Variants in RBPMS observed in about 807,000 individuals in gnomAD.
The protein encoded by RBPMS is RNA-binding protein with multiple splicing.
In RBPMS, 7 loss-of-function variants were observed where a neutral mutation model predicts 26.8. The observed-to-expected ratio is 0.26, with a 90% CI of 0.15 to 0.49. RBPMS has a LOEUF of 0.49. Ranked by LOEUF, RBPMS falls within the 20% of genes least tolerant of loss-of-function variation. RBPMS has a pLI of 0.98. For missense variants in RBPMS, 186 were observed against 250.0 expected (o/e 0.74, Z 1.73); for synonymous variants, 96 against 93.3 (o/e 1.03, Z -0.17).
intron 1 of RBPMS, chr8:30,445,263 A>G (rs1245506567): frequency 6.6e-6 from 1 of 152,196 alleles, no homozygotes; most frequent in African/African-American, 2.4e-5. Context: ...ACAATGTGGG[A>G]ATGCATGAAA....
chr8:30,552,046 G>C (rs1194251332), intron 6 of RBPMS, among the ~76,000 whole-genome samples: 3 of 152,140 alleles, frequency 2.0e-5, no homozygotes, highest in African/African-American at 7.2e-5. Flanking sequence ...GAAGCACTTA[G>C]GACACAGGGA....
intron 1 of RBPMS, among the ~76,000 whole-genome samples, chr8:30,428,815 T>G (rs1184554845): frequency 6.6e-6 from 1 of 152,078 alleles, no homozygotes; most frequent in African/African-American, 2.4e-5. Context: ...TCATGTACAC[T>G]ATTTTAATGG....
chr8:30,465,948 A>C (rs1460272904), intron 1 of RBPMS, among the ~76,000 whole-genome samples: 1 of 152,214 alleles, frequency 6.6e-6, no homozygotes, highest in Non-Finnish European at 1.5e-5. Context: ...ATGTCTGAGC[A>C]GTGCTCAGGT....
chr8:30,411,822 T>A (rs1585375394), intron 1 of RBPMS, among the ~76,000 whole-genome samples: 1 of 151,556 alleles, frequency 6.6e-6, no homozygotes, highest in East Asian at 1.9e-4. Context: ...GTCTCTACTT[T>A]AAAAAAATGC....
At chr8:30,551,823 C>T (rs533889296) in intron 6 of RBPMS, among the ~76,000 whole-genome samples, 1 of 152,160 alleles carries the variant, frequency 6.6e-6, no homozygotes, top group Non-Finnish European at 1.5e-5. Flanking sequence ...ATTTGGGATC[C>T]TAGGCAAGTT....
At chr8:30,568,258 C>T (rs973084193) in intron 8 of RBPMS, among the ~76,000 whole-genome samples, 2 of 152,064 alleles carry the variant, frequency 1.3e-5, no homozygotes, top group Non-Finnish European at 2.9e-5. Flanking sequence ...GACTTGGTAA[C>T]CAGGAAGCCT....
At chr8:30,430,270 G>T (rs1360625759) in intron 1 of RBPMS, among the ~76,000 whole-genome samples, 1 of 152,108 alleles carries the variant, frequency 6.6e-6, no homozygotes, top group Non-Finnish European at 1.5e-5. Context: ...AAAATCTGAA[G>T]TCTTATATGT....
Position 30,473,557 on chromosome 8 carries a change from G to T in RBPMS, c.67-1222G>T, listed in dbSNP as rs138644899. Among the ~76,000 whole-genome samples the T allele has an allele frequency of 4.9e-3, 743 of 152,242 alleles. 3 individuals are homozygous for T. The highest frequency in any genetic ancestry group is 8.5e-3 in the Non-Finnish European group (577 of 67,998). ...ATGGCGATTCCTCAAAGATCTAGAAGCAGAACTACCATTTGACCCAGCAAT... is the reference window on the plus strand; with the variant it reads ...ATGGCGATTCCTCAAAGATCTAGAATCAGAACTACCATTTGACCCAGCAAT... On this transcript the variant is annotated intron_variant, in intron 1 of 8. Coordinates refer to ENST00000397323, the MANE Select transcript of RBPMS (RefSeq NM_001008710.3).
intron 1 of RBPMS, among the ~76,000 whole-genome samples, chr8:30,410,891 A>G (rs1809310480): frequency 6.6e-6 from 1 of 151,976 alleles, no homozygotes; most frequent in Non-Finnish European, 1.5e-5. Flanking sequence ...GCACACAGCC[A>G]TGCCAGGCTA....
intron 3 of RBPMS, among the ~76,000 whole-genome samples, chr8:30,478,705 G>A (rs1290140933): frequency 6.6e-6 from 1 of 152,034 alleles, no homozygotes; most frequent in Non-Finnish European, 1.5e-5. Context: ...TCACCATGTT[G>A]GCCAGGATGG....
intron 5 of RBPMS, among the ~76,000 whole-genome samples, chr8:30,538,515 C>G (rs1280961460): frequency 1.3e-5 from 2 of 152,186 alleles, no homozygotes; most frequent in Admixed American, 6.5e-5. Context: ...TTCGGCCTCC[C>G]AAAGTGCTGG....
chr8:30,506,287 A>G (rs962146933), intron 5 of RBPMS, among the ~76,000 whole-genome samples: 2 of 151,098 alleles, frequency 1.3e-5, no homozygotes, highest in Admixed American at 6.6e-5. Context: ...AGTTTCCATG[A>G]CAGGGTAAAA....
In RBPMS at chr8:30,477,657, ATG is replaced by A. The variant is rs563039893; in HGVS notation, c.145-136_145-135del. ...TGTGTGTGTGTGCACATGCACATGC[ATG>A]TGTGTAATTTGCTTTCCCAGATAAC... On this transcript the variant is annotated intron_variant, in intron 2 of 8. Coordinates refer to ENST00000397323, the MANE Select transcript of RBPMS (RefSeq NM_001008710.3). The A allele has an allele frequency of 2.0e-5, 12 of 602,612 alleles. No individual in the cohort carries two copies. The South Asian group carries it at 2.5e-4, about 13-fold the overall frequency. 37.3% of individuals were successfully genotyped at this position (602,612 alleles called of 1,614,324 possible).
chr8:30,450,383 T>G (rs893324804), intron 1 of RBPMS, among the ~76,000 whole-genome samples: 3 of 152,204 alleles, frequency 2.0e-5, no homozygotes, highest in Non-Finnish European at 4.4e-5. Context: ...TTAGTTTCAG[T>G]CTGGTGGAAA....
intron 1 of RBPMS, among the ~76,000 whole-genome samples, chr8:30,464,783 G>T (rs1289026511): frequency 6.6e-6 from 1 of 152,094 alleles, no homozygotes; most frequent in Non-Finnish European, 1.5e-5. Context: ...TTAGAATTTT[G>T]ATAAGATCTT....
Position 30,463,403 on chromosome 8 carries a change from G to A in RBPMS, c.67-11376G>A, listed in dbSNP as rs533932681. Among the ~76,000 whole-genome samples the A allele has an allele frequency of 5.9e-5, 9 of 152,302 alleles. 1 individual carries two copies. The South Asian group carries it at 1.9e-3, about 32-fold the overall frequency. On this transcript the variant is annotated intron_variant, in intron 1 of 8. Coordinates refer to ENST00000397323, the MANE Select transcript of RBPMS (RefSeq NM_001008710.3). ...GCGTGGGAGATCTGCTTCTAAGATG[G>A]CTCACTCACATGGCTTTTGGCCAGA...
chr8:30,556,108 C>T (rs1826882152), intron 6 of RBPMS: 1 of 985,354 alleles, frequency 1.0e-6, no homozygotes. Flanking sequence ...GAGAAGAGCC[C>T]CCCACTTGGC....
At chr8:30,483,286 T>C (rs571251136) in intron 4 of RBPMS, among the ~76,000 whole-genome samples, 1 of 152,342 alleles carries the variant, frequency 6.6e-6, no homozygotes, top group African/African-American at 2.4e-5. Context: ...TTTGCTATCC[T>C]TCCTTCCCTG....
At chr8:30,500,046 CA>C (rs1319166685) in intron 4 of RBPMS, among the ~76,000 whole-genome samples, 1 of 152,150 alleles carries the variant, frequency 6.6e-6, no homozygotes, top group Non-Finnish European at 1.5e-5. Flanking sequence ...TTTTTAAAAA[CA>C]TAGCTGGTTG....
Sources: allele counts gnomAD v4.1 joint callset (sites outside exome capture counted in the v4.1 genomes callset), GRCh38; gene constraint gnomAD v4.1.1; transcripts MANE v1.5; gene names NCBI Gene and HGNC (gene_info 2026-07-23, HGNC 2026-07-21).